PACS1: variants seen among roughly 807,000 people sequenced by gnomAD.
PACS1 encodes PACS-1.
In PACS1, 24 loss-of-function variants were observed where a neutral mutation model predicts 115.0. That is an observed-to-expected ratio of 0.21 (90% confidence interval 0.15 to 0.29). The LOEUF is 0.29. PACS1 is among the 10% of genes least tolerant of loss of function. The pLI, the probability that PACS1 is intolerant of heterozygous loss-of-function variation, is 1.00. For synonymous variants in PACS1, 453 were observed against 504.5 expected (o/e 0.90, Z 1.37); for missense variants, 838 against 1,251.2 (o/e 0.67, Z 4.98).
intron 19 of PACS1, among the ~76,000 whole-genome samples, chr11:66,237,725 TAACAAATTTAA>T (rs1855732756): frequency 6.6e-6 from 1 of 151,914 alleles, no homozygotes; most frequent in Non-Finnish European, 1.5e-5. Context: ...GACAGAGAGA[TAACAAATTTAA>T]AACAAATTAA....
chr11:66,074,085 C>T (rs963069487), intron 1 of PACS1, among the ~76,000 whole-genome samples: 1 of 151,718 alleles, frequency 6.6e-6, no homozygotes, highest in East Asian at 1.9e-4. Flanking sequence ...TTTTTAAAGA[C>T]AAAATGATTA....
chr11:66,158,725 T>C (rs181041294), intron 1 of PACS1, among the ~76,000 whole-genome samples: 2 of 151,890 alleles, frequency 1.3e-5, no homozygotes, highest in Admixed American at 6.6e-5. Context: ...TAATAGACAA[T>C]AAGTGGAAGA....
At chr11:66,168,107 T>C (rs1859649029) in intron 1 of PACS1, among the ~76,000 whole-genome samples, 1 of 150,262 alleles carries the variant, frequency 6.7e-6, no homozygotes, top group Non-Finnish European at 1.5e-5. Flanking sequence ...CTCGCCATGT[T>C]GCCCAGGCTG....
intron 1 of PACS1, among the ~76,000 whole-genome samples, chr11:66,072,692 C>T (rs1857329641): frequency 6.6e-6 from 1 of 152,208 alleles, no homozygotes; most frequent in African/African-American, 2.4e-5. Context: ...GCCCATCTAT[C>T]GCTGAAGTAT....
chr11:66,093,002 CT>C (rs1292517329), intron 1 of PACS1, among the ~76,000 whole-genome samples: 1 of 152,100 alleles, frequency 6.6e-6, no homozygotes, highest in Non-Finnish European at 1.5e-5. Context: ...GATGCGGGCC[CT>C]TTTTTGGTTC....
chr11:66,105,859 A>G (rs775792129), intron 1 of PACS1, among the ~76,000 whole-genome samples: 25 of 152,162 alleles, frequency 1.6e-4, no homozygotes, highest in Admixed American at 5.9e-4. Flanking sequence ...GTATGCCTAT[A>G]AGCATCCTTG....
At chr11:66,208,386 G>A (rs984137447) in intron 2 of PACS1, among the ~76,000 whole-genome samples, 3 of 152,102 alleles carry the variant, frequency 2.0e-5, no homozygotes, top group African/African-American at 7.2e-5. Flanking sequence ...GGGAGGCAGT[G>A]GCAGGAAGAT....
chr11:66,214,086 C>T (rs1237691640), intron 4 of PACS1, among the ~76,000 whole-genome samples: 2 of 148,738 alleles, frequency 1.3e-5, no homozygotes, highest in African/African-American at 4.9e-5. Flanking sequence ...TACATGTACT[C>T]ATTGGTGCAG....
chr11:66,202,742 A>AATATATATATATATAT (rs56203680), intron 2 of PACS1, among the ~76,000 whole-genome samples: 14 of 71,578 alleles, frequency 2.0e-4, no homozygotes, highest in Non-Finnish European at 2.6e-4. Context: ...AAAAAAAAAA[A>AATATATATATATATAT]ATATATATAT....
intron 2 of PACS1, among the ~76,000 whole-genome samples, chr11:66,202,726 G>GGGGAAAAAAAAA (rs1554988658): frequency 9.1e-5 from 1 of 10,952 alleles, no homozygotes; most frequent in African/African-American, 2.4e-4. Context: ...TCATCTCTAG[G>GGGGAAAAAAAAA]AAAAAAAAAA....
chr11:66,100,533 GATTTACTCTGCAAAATC>G (rs1857893274), intron 1 of PACS1, among the ~76,000 whole-genome samples: 1 of 152,132 alleles, frequency 6.6e-6, no homozygotes, highest in African/African-American at 2.4e-5. Flanking sequence ...GCGAGAAGCC[GATTTACTCTGCAAAATC>G]ATAAGTAGTA....
intron 2 of PACS1, among the ~76,000 whole-genome samples, chr11:66,194,252 C>G (rs1854598678): frequency 6.6e-6 from 1 of 152,180 alleles, no homozygotes; most frequent in Non-Finnish European, 1.5e-5. Flanking sequence ...GCGTGAGCCA[C>G]CGCGCCCAGC....
chr11:66,193,704 G>C, intron 2 of PACS1, 131 bp downstream of exon 2: 1 of 608,974 alleles, frequency 1.6e-6, no homozygotes, highest in South Asian at 2.3e-5. Flanking sequence ...GTGCACAGTG[G>C]AAAGATAACA....
chr11:66,172,238 T>G (rs1181627390), intron 1 of PACS1, among the ~76,000 whole-genome samples: 1 of 152,234 alleles, frequency 6.6e-6, no homozygotes, highest in African/African-American at 2.4e-5. Flanking sequence ...AGACACTTCA[T>G]GAAATGTGTG....
chr11:66,227,162 G>A (rs1855484095), intron 10 of PACS1, among the ~76,000 whole-genome samples: 2 of 152,148 alleles, frequency 1.3e-5, no homozygotes. Flanking sequence ...TCCTTCCTGG[G>A]CAAGTGTATT....
chr11:66,072,179 AT>A (rs894422324), intron 1 of PACS1, among the ~76,000 whole-genome samples: 31 of 151,062 alleles, frequency 2.1e-4, no homozygotes, highest in African/African-American at 7.3e-4. Context: ...TGGTTTTTTT[AT>A]TTTTTTTTAA....
At chr11:66,093,890 T>A (rs1448239339) in intron 1 of PACS1, among the ~76,000 whole-genome samples, 2 of 151,770 alleles carry the variant, frequency 1.3e-5, no homozygotes, top group African/African-American at 2.4e-5. Flanking sequence ...GGATTAAGAA[T>A]CTCACTCAAA....
intron 1 of PACS1, among the ~76,000 whole-genome samples, chr11:66,161,650 G>A (rs1487895028): frequency 6.6e-6 from 1 of 151,868 alleles, no homozygotes; most frequent in Non-Finnish European, 1.5e-5. Context: ...CTATATTGTG[G>A]GTAATAAAAA....
Position 66,244,400 on chromosome 11 carries a change from G to A in PACS1, c.*1120G>A, listed in dbSNP as rs946133100. ...CTGTCACCTCCCTCTCACCAACCCG[G>A]GGTCTGAGCCCCTCATTCCTGACCG... On this transcript the variant is annotated 3_prime_UTR_variant, in exon 24 of 24. Coordinates refer to ENST00000320580, the MANE Select transcript of PACS1 (RefSeq NM_018026.4). 2.0e-5 allele frequency: 3 copies of A among 152,528 alleles called. No individual in the cohort carries two copies. The highest frequency in any genetic ancestry group is 2.0e-4 in the Admixed American group (3 of 15,280). The allele number at this position is 152,528 out of a possible 1,614,324, so 9.4% of individuals were successfully genotyped here.
Sources: allele counts gnomAD v4.1 joint callset (sites outside exome capture counted in the v4.1 genomes callset), GRCh38; gene constraint gnomAD v4.1.1; transcripts MANE v1.5; gene names NCBI Gene and HGNC (gene_info 2026-07-23, HGNC 2026-07-21).